MAPRE3: variants seen among roughly 807,000 people sequenced by gnomAD.
The protein encoded by MAPRE3 is microtubule associated protein RP/EB family member 3.
In MAPRE3, 2 loss-of-function variants were observed where a neutral mutation model predicts 30.5. The ratio of observed to expected loss-of-function variants is 0.07; its 90% CI spans 0.03 to 0.21. MAPRE3 has a LOEUF of 0.21. Ranked by LOEUF, MAPRE3 falls within the 10% of genes least tolerant of loss-of-function variation. MAPRE3 has a pLI of 1.00. For missense variants in MAPRE3, 204 were observed against 351.8 expected (o/e 0.58, Z 3.36); for synonymous variants, 110 against 127.7 (o/e 0.86, Z 0.93).
intron 1 of MAPRE3, among the ~76,000 whole-genome samples, chr2:26,999,674 T>G (rs1234070151): frequency 6.6e-6 from 1 of 151,966 alleles, no homozygotes; most frequent in African/African-American, 2.4e-5. Flanking sequence ...CAGCTAATTT[T>G]GTATTTTTAG....
intron 1 of MAPRE3, among the ~76,000 whole-genome samples, chr2:26,998,162 G>A (rs1666508086): frequency 6.6e-6 from 1 of 152,234 alleles, no homozygotes; most frequent in Non-Finnish European, 1.5e-5. Context: ...TGTGGTCACA[G>A]AAAATAAGTG....
At chr2:26,975,640 AC>A (rs1666001752) in intron 1 of MAPRE3, among the ~76,000 whole-genome samples, 1 of 152,208 alleles carries the variant, frequency 6.6e-6, no homozygotes, top group Admixed American at 6.5e-5. Context: ...TCAAAGGGGA[AC>A]TTTTACTTTA....
intron 1 of MAPRE3, among the ~76,000 whole-genome samples, chr2:26,973,327 G>A (rs557066046): frequency 2.6e-5 from 4 of 152,248 alleles, no homozygotes; most frequent in African/African-American, 9.6e-5. Context: ...CTTCCTGCAC[G>A]CCAGCACACA....
In MAPRE3 at chr2:27,025,652, C is replaced by T; in HGVS notation, c.539C>T (p.Pro180Leu). 6.2e-7 allele frequency: 1 copy of T among 1,611,502 alleles called. No homozygotes were observed. Among genetic ancestry groups the T allele is most frequent in the Non-Finnish European group, 8.5e-7 (1 of 1,178,612 alleles). The change falls in exon 5 of 7, where the codon CCC becomes CTC. Residue 180 changes from proline to leucine, a missense_variant. Pro to Leu is a moderately conservative substitution (Grantham distance 98). Coordinates refer to ENST00000233121, the MANE Select transcript of MAPRE3 (RefSeq NM_012326.4). ...TCTGGCCGGCTGAGCAATGTGGCCC[C>T]CCCCTGCATTCTCCGGAAGAATCCT... Reference protein sequence around the residue: ...QTSGRLSNVAPPCILRKNPPS... With the variant: ...QTSGRLSNVALPCILRKNPPS...
intron 1 of MAPRE3, among the ~76,000 whole-genome samples, chr2:27,020,030 T>C (rs1040171535): frequency 6.6e-6 from 1 of 152,150 alleles, no homozygotes; most frequent in Non-Finnish European, 1.5e-5. Flanking sequence ...GACAAGAGAA[T>C]TGGAATTTCT....
At chr2:27,017,272 G>T (rs1667011163) in intron 1 of MAPRE3, among the ~76,000 whole-genome samples, 1 of 152,204 alleles carries the variant, frequency 6.6e-6, no homozygotes, top group Non-Finnish European at 1.5e-5. Flanking sequence ...AGCACCAGTT[G>T]TGAGGACCTG....
chr2:26,996,697 G>GGAGAATGGCGTGAACCT (rs1228833758), intron 1 of MAPRE3, among the ~76,000 whole-genome samples: 1 of 152,144 alleles, frequency 6.6e-6, no homozygotes, highest in East Asian at 1.9e-4. Flanking sequence ...GGCTGAGGCA[G>GGAGAATGGCGTGAACCT]GAGAATGGCG....
In MAPRE3 at chr2:26,981,527, C is replaced by T. The variant is rs372625849; in HGVS notation, c.-8+10725C>T. 6.2e-4 allele frequency among the ~76,000 whole-genome samples: 95 copies of T among 152,266 alleles called. 1 individual carries two copies. Among genetic ancestry groups the T allele is most frequent in the African/African-American group, 2.1e-3 (89 of 41,556 alleles). ...TAAAATTTGGCAGAGGCTTCTTTTA[C>T]TTTTGTTCATCTTTGTATAATGTTT... is the stretch of plus-strand genomic sequence containing the variant. On this transcript the variant is annotated intron_variant, in intron 1 of 6. Transcript: ENST00000233121.
intron 1 of MAPRE3, among the ~76,000 whole-genome samples, chr2:27,016,986 G>A (rs889985750): frequency 6.6e-6 from 1 of 152,044 alleles, no homozygotes; most frequent in Non-Finnish European, 1.5e-5. Flanking sequence ...CTCTGGAAAG[G>A]GGGTTTGGGG....
intron 1 of MAPRE3, among the ~76,000 whole-genome samples, chr2:27,001,200 G>A (rs1025038171): frequency 2.0e-5 from 3 of 152,180 alleles, no homozygotes; most frequent in Non-Finnish European, 4.4e-5. Flanking sequence ...ACATCATAGA[G>A]TGTACTCACC....
intron 1 of MAPRE3, among the ~76,000 whole-genome samples, chr2:27,001,780 G>T (rs771005572): frequency 2.0e-5 from 3 of 152,194 alleles, no homozygotes; most frequent in Non-Finnish European, 4.4e-5. Context: ...AACCACTGTC[G>T]TACATGCAGT....
At chr2:26,973,801 C>T (rs753784340) in intron 1 of MAPRE3, among the ~76,000 whole-genome samples, 1 of 151,738 alleles carries the variant, frequency 6.6e-6, no homozygotes, top group African/African-American at 2.4e-5. Flanking sequence ...ATGATCCACC[C>T]GCCTCGGCCT....
At chr2:26,990,904 T>A (rs2148205134) in intron 1 of MAPRE3, among the ~76,000 whole-genome samples, 1 of 152,350 alleles carries the variant, frequency 6.6e-6, no homozygotes, top group Admixed American at 6.5e-5. Context: ...ATTCTGCCTG[T>A]CACCAGTGCC....
chr2:27,018,056 G>A (rs1667026490), intron 1 of MAPRE3, among the ~76,000 whole-genome samples: 1 of 152,146 alleles, frequency 6.6e-6, no homozygotes, highest in African/African-American at 2.4e-5. Context: ...ATCAAAAACT[G>A]GAGGATATAT....
intron 1 of MAPRE3, among the ~76,000 whole-genome samples, chr2:26,972,756 G>T (rs1665939363): frequency 6.6e-6 from 1 of 152,238 alleles, no homozygotes; most frequent in African/African-American, 2.4e-5. Context: ...TAGATCAGGA[G>T]GGTGTAAGTA....
intron 1 of MAPRE3, among the ~76,000 whole-genome samples, chr2:27,011,044 G>A (rs1189215963): frequency 6.6e-6 from 1 of 152,168 alleles, no homozygotes; most frequent in African/African-American, 2.4e-5. Context: ...CAGGGCAGAT[G>A]ACCTCCTCTT....
At chr2:26,975,294 G>A (rs1665993443) in intron 1 of MAPRE3, among the ~76,000 whole-genome samples, 2 of 152,176 alleles carry the variant, frequency 1.3e-5, no homozygotes, top group African/African-American at 4.8e-5. Flanking sequence ...GATTTCATCG[G>A]TGACTTTGCT....
chr2:26,996,750 T>A (rs1666470371), intron 1 of MAPRE3: 2 of 152,128 alleles, frequency 1.3e-5, no homozygotes, highest in African/African-American at 2.4e-5. Flanking sequence ...GAGCTTGCAG[T>A]GGGCCAAGAT....
intron 3 of MAPRE3, chr2:27,023,887 G>A: frequency 1.8e-6 from 1 of 562,318 alleles, no homozygotes; most frequent in Non-Finnish European, 3.2e-6. Flanking sequence ...TCCACACGGT[G>A]CCTGTAGAGA....
Sources: allele counts gnomAD v4.1 joint callset (sites outside exome capture counted in the v4.1 genomes callset), GRCh38; gene constraint gnomAD v4.1.1; transcripts MANE v1.5; gene names NCBI Gene and HGNC (gene_info 2026-07-23, HGNC 2026-07-21).